Variants in TMEFF2 observed in about 807,000 individuals in gnomAD.
The protein encoded by TMEFF2 is transmembrane protein with EGF like and two follistatin like domains 2.
Under a neutral mutation model 53.8 loss-of-function variants are expected in TMEFF2, and 28 were observed. The observed-to-expected ratio is 0.52, with a 90% CI of 0.39 to 0.71. The LOEUF (loss-of-function observed/expected upper bound fraction) is 0.71. Among genes scored for constraint, TMEFF2 ranks in the 30% least tolerant of loss-of-function variants. The probability of loss-of-function intolerance (pLI) is 0.00; values close to 1 mark genes in which losing one functional copy is unlikely to be tolerated. For synonymous variants in TMEFF2, 162 were observed against 166.3 expected (o/e 0.97, Z 0.20); for missense variants, 353 against 455.2 (o/e 0.78, Z 2.04).
chr2:192,179,788 A>T, intron 3 of TMEFF2, 94 bp from the exon 4 acceptor site: 1 of 1,111,634 alleles, frequency 9.0e-7, no homozygotes, highest in Non-Finnish European at 1.2e-6. Context: ...TTAATACTGC[A>T]ATAATATTGT....
chr2:192,068,982 T>G (rs1688225836), intron 4 of TMEFF2, among the ~76,000 whole-genome samples: 1 of 151,658 alleles, frequency 6.6e-6, no homozygotes, highest in South Asian at 2.1e-4. Context: ...TGTTTTTTTT[T>G]TTTCTTCTGG....
At chr2:192,019,673 T>C (rs1686819430) in intron 5 of TMEFF2, among the ~76,000 whole-genome samples, 2 of 152,006 alleles carry the variant, frequency 1.3e-5, no homozygotes, top group South Asian at 4.1e-4. Flanking sequence ...GTATTTTGCA[T>C]TGGCTTTTCC....
chr2:192,068,337 TATA>T (rs1393275594), intron 4 of TMEFF2, among the ~76,000 whole-genome samples: 3 of 151,888 alleles, frequency 2.0e-5, no homozygotes, highest in Non-Finnish European at 2.9e-5. Flanking sequence ...TTTTTGACCT[TATA>T]ATGATGCTGA....
chr2:192,058,930 A>G (rs1401603064), intron 4 of TMEFF2, among the ~76,000 whole-genome samples: 4 of 151,994 alleles, frequency 2.6e-5, no homozygotes, highest in Admixed American at 2.6e-4. Context: ...GTCAAATCCA[A>G]TCTTACTTAT....
chr2:192,178,297 T>C (rs556545934), intron 4 of TMEFF2: 11 of 150,746 alleles, frequency 7.3e-5, no homozygotes, highest in African/African-American at 2.2e-4. Context: ...AGGAACTGCC[T>C]TTTTTCCTGT....
At chr2:192,167,451 G>A (rs990712413) in intron 4 of TMEFF2, among the ~76,000 whole-genome samples, 1 of 152,012 alleles carries the variant, frequency 6.6e-6, no homozygotes, top group African/African-American at 2.4e-5. Context: ...GCCTACCCAC[G>A]CCTGCAGCTA....
chr2:191,951,165 A>ATGTG lies in TMEFF2; in HGVS notation c.1029-762_1029-759dup, dbSNP rs33981886. On this transcript the variant is annotated intron_variant, in intron 9 of 9. Transcript: ENST00000272771. Reference sequence around the variant, plus strand: ...TGTATATGTGGGTTTATGTGTATGTATGTGTGTGTGTGTATGTATGTGTAT... The same window carrying ATGTG: ...TGTATATGTGGGTTTATGTGTATGTATGTGTGTGTGTGTGTGTATGTATGTGTAT... Among the ~76,000 whole-genome samples, 56 of 149,840 alleles carry ATGTG rather than the reference A, an allele frequency of 3.7e-4. 1 individual carries two copies. The highest frequency in any genetic ancestry group is 4.8e-4 in the African/African-American group (20 of 41,252).
chr2:191,996,304 T>C (rs1159616457), intron 7 of TMEFF2, among the ~76,000 whole-genome samples: 1 of 151,938 alleles, frequency 6.6e-6, no homozygotes, highest in Non-Finnish European at 1.5e-5. Flanking sequence ...AGGGAGAGGC[T>C]TGATTTTTCA....
At chr2:192,027,263 G>A (rs4479382) in intron 5 of TMEFF2, among the ~76,000 whole-genome samples, 149,698 of 152,330 alleles carry the variant, frequency 0.98, 73,603 homozygotes, top group East Asian at 1. Flanking sequence ...AATTTTTCAC[G>A]AAGACTGATT....
chr2:191,958,298 G>T (rs371797207), intron 7 of TMEFF2, among the ~76,000 whole-genome samples: 1 of 152,070 alleles, frequency 6.6e-6, no homozygotes, highest in Non-Finnish European at 1.5e-5. Flanking sequence ...CACTTCTATG[G>T]TTCATTAATA....
chr2:192,155,941 T>A (rs999804518), intron 4 of TMEFF2, among the ~76,000 whole-genome samples: 2 of 151,900 alleles, frequency 1.3e-5, no homozygotes, highest in Non-Finnish European at 2.9e-5. Flanking sequence ...TACTACTCAT[T>A]ATGTTATAGA....
At chr2:192,075,312 T>TATATATATATATATAAATATAA (rs1688399999) in intron 4 of TMEFF2, among the ~76,000 whole-genome samples, 3 of 105,778 alleles carry the variant, frequency 2.8e-5, no homozygotes, top group African/African-American at 1.3e-4. Context: ...TATATATATA[T>TATATATATATATATAAATATAA]ATATATATAT....
intron 5 of TMEFF2, chr2:192,036,987 T>A (rs1349073109): frequency 1.3e-5 from 2 of 152,186 alleles, no homozygotes; most frequent in Non-Finnish European, 2.9e-5. Context: ...TTATTGTCTA[T>A]TCCATCTCAC....
At chr2:192,038,966 A>T (rs542319695) in intron 5 of TMEFF2, among the ~76,000 whole-genome samples, 1 of 152,230 alleles carries the variant, frequency 6.6e-6, no homozygotes, top group African/African-American at 2.4e-5. Flanking sequence ...TTACATTTAA[A>T]AAAATGCAAG....
At chr2:192,139,200 C>A (rs1032396145) in intron 4 of TMEFF2, among the ~76,000 whole-genome samples, 3 of 152,092 alleles carry the variant, frequency 2.0e-5, no homozygotes, top group Non-Finnish European at 4.4e-5. Flanking sequence ...TACTAAGGGA[C>A]ATTAAAGAAG....
chr2:192,037,269 AAAATAAAGAAAGAAAG>A (rs1368786312), intron 5 of TMEFF2: 39 of 72,592 alleles, frequency 5.4e-4, no homozygotes, highest in Admixed American at 1.8e-3. Flanking sequence ...AAGACTAGCC[AAAATAAAGAAAGAAAG>A]AAAGAAAGAA....
intron 5 of TMEFF2, among the ~76,000 whole-genome samples, chr2:192,015,676 C>T (rs1686728288): frequency 6.6e-6 from 1 of 152,054 alleles, no homozygotes; most frequent in Non-Finnish European, 1.5e-5. Context: ...TAATAAGTAG[C>T]TGAAAACATT....
chr2:192,060,041 A>AT (rs1456573167), intron 4 of TMEFF2, among the ~76,000 whole-genome samples: 3 of 22,278 alleles, frequency 1.3e-4, no homozygotes, highest in African/African-American at 3.1e-4. Context: ...TTCGTGGATC[A>AT]TATTTTTTTT....
rs78455672 is a variant in TMEFF2 at position 192,108,203 on chromosome 2, G to A, written c.440-50428C>T. Among the ~76,000 whole-genome samples the A allele has an allele frequency of 9.3e-3, 1,411 of 151,786 alleles. 28 individuals are homozygous for A. Among genetic ancestry groups the A allele is most frequent in the African/African-American group, 0.031 (1,290 of 41,492 alleles). Reference sequence around the variant, plus strand: ...TTACTAATCTAGCCAGTAAATTCAAGATGAATACTTTTGCTTATTTGGACC... The same window carrying A: ...TTACTAATCTAGCCAGTAAATTCAAAATGAATACTTTTGCTTATTTGGACC... On this transcript the variant is annotated intron_variant, in intron 4 of 9. Transcript: ENST00000272771.
Sources: allele counts gnomAD v4.1 joint callset (sites outside exome capture counted in the v4.1 genomes callset), GRCh38; gene constraint gnomAD v4.1.1; transcripts MANE v1.5; gene names NCBI Gene and HGNC (gene_info 2026-07-23, HGNC 2026-07-21).